Variants in BCAS3 observed in about 807,000 individuals in gnomAD.
BCAS3 encodes the protein BCAS3 microtubule associated cell migration factor.
In BCAS3, 53 loss-of-function variants were observed where a neutral mutation model predicts 116.1. The ratio of observed to expected loss-of-function variants is 0.46; its 90% CI spans 0.37 to 0.57. BCAS3 has a LOEUF of 0.57. Among genes scored for constraint, BCAS3 ranks in the 20% least tolerant of loss-of-function variants. The pLI is 0.00. For missense variants in BCAS3, 917 were observed against 1,165.4 expected (o/e 0.79, Z 3.10); for synonymous variants, 391 against 408.2 (o/e 0.96, Z 0.51).
At chr17:60,762,725 A>G (rs1311129173) in intron 6 of BCAS3, among the ~76,000 whole-genome samples, 6 of 152,106 alleles carry the variant, frequency 3.9e-5, no homozygotes, top group African/African-American at 1.2e-4. Flanking sequence ...GTTTTTTCCA[A>G]TTCTGTAAAG....
In BCAS3 at chr17:61,241,959, T is replaced by C. The variant is rs1465462117; in HGVS notation, c.2426-126368T>C. Among the ~76,000 whole-genome samples, 1 of 152,126 alleles carries C rather than the reference T, an allele frequency of 6.6e-6. No homozygotes were observed. On this transcript the variant is annotated intron_variant, in intron 22 of 23. Coordinates refer to ENST00000407086, the MANE Select transcript of BCAS3 (RefSeq NM_017679.5). This position sits in a 1 kb window ranked among gnomAD's most constrained non-coding sequence, Gnocchi z 4.6. The stretch of plus-strand genomic sequence containing the variant: ...TGTTAAGTATATCTGGGACCAGAAA[T>C]GGCTCTTGTTATCCAAGGTAAAGAA...
Position 61,199,202 on chromosome 17 carries a change from C to T in BCAS3, c.2425+114638C>T, listed in dbSNP as rs1421864147. ...AATTTCTTCCTTCTATTTCTTCTCC[C>T]TCTTTTTAGCTGTCTACTGTATACC... On this transcript the variant is annotated intron_variant, in intron 22 of 23. Coordinates refer to ENST00000407086, the MANE Select transcript of BCAS3 (RefSeq NM_017679.5). The surrounding 1 kb of genome is among the most constrained non-coding windows in gnomAD (Gnocchi z 4.6). Among the ~76,000 whole-genome samples, 1 of 152,164 alleles carries T rather than the reference C, an allele frequency of 6.6e-6. No homozygotes were observed. The highest frequency in any genetic ancestry group is 6.5e-5 in the Admixed American group (1 of 15,268).
chr17:61,364,734 C>A lies in BCAS3; in HGVS notation c.2426-3593C>A, dbSNP rs955063867. Among the ~76,000 whole-genome samples, 1 of 152,148 alleles carries A rather than the reference C, an allele frequency of 6.6e-6. No homozygotes were observed. The highest frequency in any genetic ancestry group is 1.5e-5 in the Non-Finnish European group (1 of 68,038). On this transcript the variant is annotated intron_variant, in intron 22 of 23. Transcript: ENST00000407086. This position sits in a 1 kb window ranked among gnomAD's most constrained non-coding sequence, Gnocchi z 5.4. The stretch of plus-strand genomic sequence containing the variant: ...AAACAAAACAAAACAAAACAGTTCT[C>A]CACTGCAGGTGTTGCTGAGGGAAAC...
At chr17:61,115,115 T>G (rs1280690533) in intron 22 of BCAS3, among the ~76,000 whole-genome samples, 1 of 150,776 alleles carries the variant, frequency 6.6e-6, no homozygotes, top group East Asian at 2.0e-4. Flanking sequence ...ACTTAAACGT[T>G]AGACCTAAAA....
At chr17:60,725,094 A>T (rs919742434) in intron 5 of BCAS3, among the ~76,000 whole-genome samples, 12 of 152,198 alleles carry the variant, frequency 7.9e-5, no homozygotes, top group African/African-American at 2.9e-4. Flanking sequence ...GGCCCAAAGC[A>T]GTCCATCTGC....
chr17:60,757,394 A>ATATGTG (rs2043110893), intron 6 of BCAS3, among the ~76,000 whole-genome samples: 1 of 136,608 alleles, frequency 7.3e-6, no homozygotes, highest in Non-Finnish European at 1.6e-5. Context: ...CAGCATGTAT[A>ATATGTG]TGTGTGTGTG....
intron 15 of BCAS3, among the ~76,000 whole-genome samples, chr17:61,011,860 A>T (rs1039313963): frequency 2.0e-5 from 3 of 152,040 alleles, no homozygotes; most frequent in African/African-American, 7.2e-5. Context: ...TAGTTATTGC[A>T]TTTATTTATT....
chr17:60,953,452 G>A (rs1273278122), intron 14 of BCAS3, among the ~76,000 whole-genome samples: 1 of 152,004 alleles, frequency 6.6e-6, no homozygotes, highest in African/African-American at 2.4e-5. Flanking sequence ...AGTTCTTATA[G>A]ATGGTGGATA....
At chr17:60,777,615 G>A (rs557901559) in intron 6 of BCAS3, among the ~76,000 whole-genome samples, 3 of 151,930 alleles carry the variant, frequency 2.0e-5, no homozygotes, top group Admixed American at 6.6e-5. Context: ...GACAGAGCGC[G>A]ACTCTGTCTC....
intron 22 of BCAS3, among the ~76,000 whole-genome samples, chr17:61,336,183 C>T (rs1403447186): frequency 1.3e-5 from 2 of 152,248 alleles, no homozygotes; most frequent in African/African-American, 2.4e-5. Flanking sequence ...AGTCCAGGAC[C>T]GGATTGATGA....
At chr17:61,121,922 G>A (rs2075813293) in intron 22 of BCAS3, among the ~76,000 whole-genome samples, 1 of 152,124 alleles carries the variant, frequency 6.6e-6, no homozygotes, top group Non-Finnish European at 1.5e-5. Context: ...TAGAGACGGG[G>A]TTTCAACATC....
chr17:60,887,792 C>T (rs1361401584), intron 9 of BCAS3, among the ~76,000 whole-genome samples: 1 of 152,174 alleles, frequency 6.6e-6, no homozygotes, highest in Non-Finnish European at 1.5e-5. Flanking sequence ...CAGGTCACCT[C>T]TCCATTAGGA....
chr17:61,036,631 C>T (rs985841404), intron 17 of BCAS3, among the ~76,000 whole-genome samples: 4 of 152,054 alleles, frequency 2.6e-5, no homozygotes, highest in South Asian at 4.2e-4. Flanking sequence ...GTAATTGATT[C>T]GCCTGACACA....
intron 6 of BCAS3, among the ~76,000 whole-genome samples, chr17:60,782,698 G>A (rs1348543266): frequency 2.0e-5 from 3 of 151,704 alleles, no homozygotes; most frequent in Admixed American, 1.3e-4. Context: ...CAATTCACCT[G>A]TCTCAGCCTC....
At chr17:61,045,913 T>TTA (rs1334676564) in intron 19 of BCAS3, among the ~76,000 whole-genome samples, 3 of 26,140 alleles carry the variant, frequency 1.1e-4, no homozygotes, top group Non-Finnish European at 1.5e-4. Flanking sequence ...AAATATATAT[T>TTA]TATATATATA....
intron 6 of BCAS3, among the ~76,000 whole-genome samples, chr17:60,759,171 G>C (rs1459760943): frequency 1.3e-5 from 2 of 152,130 alleles, no homozygotes; most frequent in Admixed American, 6.5e-5. Context: ...ATGGGGTTTT[G>C]CCATGTTGGC....
chr17:61,038,039 G>C lies in BCAS3; in HGVS notation c.1913G>C (p.Ser638Thr), dbSNP rs763250295. 1 of 1,614,002 alleles carries C rather than the reference G, an allele frequency of 6.2e-7. No individual in the cohort carries two copies. Among genetic ancestry groups the C allele is most frequent in the East Asian group, 2.2e-5 (1 of 44,874 alleles). ...GAAATGATGACATCGCCTCGAGCCA[G>C]CTGGACTCTGGTTAGGTAGTACCTC... is the stretch of plus-strand genomic sequence containing the variant. ...PLEMMTSPRA[S>T]WTLVRTPQWN... The change falls in exon 18 of 24, where the codon AGC becomes ACC. Residue 638 changes from serine (S) to threonine (T), a missense_variant. Ser to Thr is a moderately conservative substitution (Grantham distance 58). This residue lies in a region of BCAS3 where 807 missense variants were observed against 1,026.0 expected (regional missense o/e 0.79). Coordinates refer to ENST00000407086, the MANE Select transcript of BCAS3 (RefSeq NM_017679.5).
chr17:60,750,949 T>C (rs2144281907), intron 6 of BCAS3, among the ~76,000 whole-genome samples: 1 of 152,354 alleles, frequency 6.6e-6, no homozygotes, highest in Non-Finnish European at 1.5e-5. Context: ...GCTGTTTTTA[T>C]GTATTCAGTG....
Position 61,196,673 on chromosome 17 carries a change from A to T in BCAS3, c.2425+112109A>T, listed in dbSNP as rs2080498938. Among the ~76,000 whole-genome samples the T allele has an allele frequency of 6.6e-6, 1 of 152,250 alleles. No homozygotes were observed. The highest frequency in any genetic ancestry group is 1.5e-5 in the Non-Finnish European group (1 of 68,050). On this transcript the variant is annotated intron_variant, in intron 22 of 23. Coordinates refer to ENST00000407086, the MANE Select transcript of BCAS3 (RefSeq NM_017679.5). The surrounding 1 kb of genome is among the most constrained non-coding windows in gnomAD (Gnocchi z 4.7). ...GAAAGGGAAAAGGAAGAAAGCCTAC[A>T]AGCATGACTGCTCTGCTTTTCACCT...
Sources: gnomAD v4.1 joint callset for allele counts (sites outside exome capture counted in the v4.1 genomes callset) on GRCh38, gnomAD v4.1.1 for gene constraint, gnomAD v4.1.1 regional missense constraint, Gnocchi (gnomAD v3.1) non-coding constraint, MANE v1.5 for transcripts, NCBI Gene and HGNC (gene_info 2026-07-23, HGNC 2026-07-21) for gene names.